Variants in CHST11 observed in about 807,000 individuals in gnomAD.
CHST11 encodes the protein C4S-1.
CHST11 carries 9 observed loss-of-function variants against 30.4 expected under a neutral mutation model. The observed-to-expected ratio is 0.30, with a 90% CI of 0.18 to 0.52. CHST11 has a LOEUF of 0.52. Among genes scored for constraint, CHST11 ranks in the 20% least tolerant of loss-of-function variants. The pLI is 0.97. For synonymous variants in CHST11, 152 were observed against 187.8 expected (o/e 0.81, Z 1.56); for missense variants, 348 against 460.6 (o/e 0.76, Z 2.24).
chr12:104,622,394 A>G (rs1283159209), intron 2 of CHST11, among the ~76,000 whole-genome samples: 1 of 152,198 alleles, frequency 6.6e-6, no homozygotes, highest in Non-Finnish European at 1.5e-5. Context: ...TATATTTGTC[A>G]AGATTTTCCT....
At position 104,649,868 on chromosome 12, in the gene CHST11, G is replaced by A. The variant is rs180844821; in HGVS notation, c.204+47877G>A. ...TAATAAAGTCACCTTGGAGAGCTCA[G>A]TAAATTATTGTGCAGAGACTGCTGC... On this transcript the variant is annotated intron_variant, in intron 2 of 2. Coordinates refer to ENST00000303694, the MANE Select transcript of CHST11 (RefSeq NM_018413.6). Among the ~76,000 whole-genome samples, 513 of 152,320 alleles carry A rather than the reference G, an allele frequency of 3.4e-3. 5 individuals are homozygous for A. The highest frequency in any genetic ancestry group is 0.012 in the African/African-American group (488 of 41,570).
At chr12:104,520,330 A>G (rs1221190862) in intron 1 of CHST11, among the ~76,000 whole-genome samples, 1 of 152,178 alleles carries the variant, frequency 6.6e-6, no homozygotes, top group Non-Finnish European at 1.5e-5. Flanking sequence ...GCCTAAAGGA[A>G]TGGACATGGG....
At chr12:104,588,935 T>C (rs1000679746) in intron 1 of CHST11, 1 of 152,116 alleles carries the variant, frequency 6.6e-6, no homozygotes, top group Non-Finnish European at 1.5e-5. Flanking sequence ...AGTGGATGAA[T>C]GAATAGTGGT....
At chr12:104,648,284 G>A (rs2039455351) in intron 2 of CHST11, among the ~76,000 whole-genome samples, 1 of 152,182 alleles carries the variant, frequency 6.6e-6, no homozygotes, top group Admixed American at 6.5e-5. Flanking sequence ...TGGAACAAGT[G>A]CCTGATCTAC....
chr12:104,656,240 A>G (rs1052518508), intron 2 of CHST11, among the ~76,000 whole-genome samples: 6 of 152,136 alleles, frequency 3.9e-5, no homozygotes, highest in African/African-American at 1.2e-4. Flanking sequence ...GTAATTAGCA[A>G]CCCTGCTGTA....
At chr12:104,718,433 C>T (rs978846440) in intron 2 of CHST11, among the ~76,000 whole-genome samples, 4 of 152,184 alleles carry the variant, frequency 2.6e-5, no homozygotes, top group East Asian at 1.9e-4. Flanking sequence ...TGCTTAGATA[C>T]GGAGACTGAG....
At chr12:104,664,121 T>G (rs1592825191) in intron 2 of CHST11, among the ~76,000 whole-genome samples, 1 of 152,252 alleles carries the variant, frequency 6.6e-6, no homozygotes, top group African/African-American at 2.4e-5. Context: ...ATCTCAAGGG[T>G]AGGAACTGTA....
In CHST11 at chr12:104,646,562, C is replaced by T. The variant is rs143715402; in HGVS notation, c.204+44571C>T. ...TCCTGGCCAACACGGTGAAACCTCA[C>T]CTCTACTAAAAATACAAAAAATAGC... On this transcript the variant is annotated intron_variant, in intron 2 of 2. Coordinates refer to ENST00000303694, the MANE Select transcript of CHST11 (RefSeq NM_018413.6). Among the ~76,000 whole-genome samples, 1,194 of 152,202 alleles carry T rather than the reference C, an allele frequency of 7.8e-3. 62 individuals carry two copies. The East Asian group carries it at 0.11, about 14-fold the overall frequency.
Position 104,537,391 on chromosome 12 carries a change from G to C in CHST11, c.119-64515G>C, listed in dbSNP as rs186551712. ...GCATGTGGCTTTCCACGACATTAGG[G>C]GGGTAGTGGGGCCAAGCAGTTAACA... On this transcript the variant is annotated intron_variant, in intron 1 of 2. Transcript: ENST00000303694. 4.1e-4 allele frequency among the ~76,000 whole-genome samples: 62 copies of C among 152,288 alleles called. No homozygotes were observed. In the East Asian group the frequency reaches 0.012, roughly 28 times the overall value.
chr12:104,542,763 T>C (rs905571637), intron 1 of CHST11, among the ~76,000 whole-genome samples: 3 of 152,232 alleles, frequency 2.0e-5, no homozygotes, highest in Non-Finnish European at 2.9e-5. Flanking sequence ...TTTCATACCA[T>C]GTGGCTTCGT....
intron 1 of CHST11, among the ~76,000 whole-genome samples, chr12:104,586,263 A>G (rs10861240): frequency 0.27 from 40,718 of 152,146 alleles, 5,573 homozygotes; most frequent in African/African-American, 0.3. Flanking sequence ...AAGCCTGGGT[A>G]GGCTCAGGGT....
intron 2 of CHST11, among the ~76,000 whole-genome samples, chr12:104,706,306 C>T (rs1451462860): frequency 6.6e-6 from 1 of 150,806 alleles, no homozygotes; most frequent in Non-Finnish European, 1.5e-5. Flanking sequence ...ATTACTTGAA[C>T]CTGGGAGGCG....
At chr12:104,561,250 C>T (rs950596185) in intron 1 of CHST11, among the ~76,000 whole-genome samples, 5 of 152,180 alleles carry the variant, frequency 3.3e-5, no homozygotes, top group Non-Finnish European at 7.3e-5. Context: ...TGTGGCGACG[C>T]CATGGCATCA....
chr12:104,531,116 A>AT (rs1168746378), intron 1 of CHST11, among the ~76,000 whole-genome samples: 3 of 151,852 alleles, frequency 2.0e-5, no homozygotes, highest in African/African-American at 7.3e-5. Flanking sequence ...AGAAAGTGAC[A>AT]TTTTTTTTCT....
intron 2 of CHST11, among the ~76,000 whole-genome samples, chr12:104,738,069 G>A (rs1375753804): frequency 3.3e-5 from 5 of 152,158 alleles, no homozygotes; most frequent in African/African-American, 7.2e-5. Context: ...TATAAAAAAG[G>A]ATCCCAACGT....
intron 1 of CHST11, among the ~76,000 whole-genome samples, chr12:104,515,572 C>T (rs2038014248): frequency 6.6e-6 from 1 of 152,162 alleles, no homozygotes; most frequent in East Asian, 1.9e-4. Context: ...GTGTGCCAGA[C>T]ACTGTTAGGG....
At chr12:104,632,756 G>C (rs2039282741) in intron 2 of CHST11, among the ~76,000 whole-genome samples, 1 of 152,236 alleles carries the variant, frequency 6.6e-6, no homozygotes, top group South Asian at 2.1e-4. Flanking sequence ...CCTGACCTGG[G>C]CTGGTGACAG....
chr12:104,501,965 C>T (rs1056677875), intron 1 of CHST11, among the ~76,000 whole-genome samples: 6 of 152,204 alleles, frequency 3.9e-5, no homozygotes, highest in African/African-American at 1.4e-4. Flanking sequence ...CCTAGCAGCA[C>T]ATGAGTGGAC....
rs2039124043 is a variant in CHST11, at chr12:104,617,957, G to C, written c.204+15966G>C. Among the ~76,000 whole-genome samples the C allele has an allele frequency of 2.0e-5, 3 of 150,644 alleles. No individual in the cohort carries two copies. In the South Asian group the frequency reaches 6.3e-4, roughly 32 times the overall value. On this transcript the variant is annotated intron_variant, in intron 2 of 2. Transcript: ENST00000303694. ...AGAGTCTCACTCTATTGCCCAGGCT[G>C]GTGAGCCATGGTGCGATCTCGGCTC...
Sources: gnomAD v4.1 joint callset for allele counts (sites outside exome capture counted in the v4.1 genomes callset) on GRCh38, gnomAD v4.1.1 for gene constraint, MANE v1.5 for transcripts, NCBI Gene and HGNC (gene_info 2026-07-23, HGNC 2026-07-21) for gene names.